EBPL: variants seen among roughly 807,000 people sequenced by gnomAD.
EBPL encodes the protein emopamil-binding protein-like.
In EBPL, 20 loss-of-function variants were observed where a neutral mutation model predicts 19.0. That is an observed-to-expected ratio of 1.05 (90% CI 0.74 to 1.53). EBPL has a LOEUF of 1.53. Among genes scored for constraint, EBPL ranks in the 40% most tolerant of loss-of-function variants. The probability of loss-of-function intolerance (pLI) is 0.00; values close to 1 mark genes in which losing one functional copy is unlikely to be tolerated. For synonymous variants in EBPL, 107 were observed against 117.0 expected, an observed-to-expected ratio of 0.91 and a Z score of 0.55; for missense variants, 219 against 261.1, an observed-to-expected ratio of 0.84 and a Z score of 1.11.
intron 1 of EBPL, among the ~76,000 whole-genome samples, chr13:49,686,772 AT>A (rs1446697098): frequency 6.6e-5 from 10 of 151,622 alleles, no homozygotes; most frequent in Admixed American, 5.9e-4. Flanking sequence ...CTCAATTTAC[AT>A]TTTTCAATTG....
intron 1 of EBPL, among the ~76,000 whole-genome samples, chr13:49,690,112 TAC>T (rs1487728546): frequency 7.3e-6 from 1 of 136,368 alleles, no homozygotes; most frequent in Non-Finnish European, 1.5e-5. Context: ...ATAGTGCCAC[TAC>T]ACTCCAGCCT....
intron 1 of EBPL, among the ~76,000 whole-genome samples, chr13:49,670,357 T>A (rs1953798399): frequency 6.6e-6 from 1 of 152,346 alleles, no homozygotes; most frequent in South Asian, 2.1e-4. Flanking sequence ...ACAGGCTACA[T>A]TTAACATTCA....
chr13:49,682,200 C>A (rs943891071), intron 1 of EBPL, among the ~76,000 whole-genome samples: 3 of 149,534 alleles, frequency 2.0e-5, no homozygotes, highest in African/African-American at 7.3e-5. Flanking sequence ...CCACACTGGT[C>A]TCTTTCAGAA....
chr13:49,691,441 G>C lies in EBPL; in HGVS notation c.-17C>G. ...AGCGCCCATGCTTCAGGCTTCCGAC[G>C]CCAACGGCCCAGGACCATGCGGCAG... is the stretch of plus-strand genomic sequence containing the variant. On this transcript the variant is annotated 5_prime_UTR_variant, in exon 1 of 4. Coordinates refer to ENST00000242827, the MANE Select transcript of EBPL (RefSeq NM_032565.5). The C allele has an allele frequency of 7.5e-7, 1 of 1,330,838 alleles. No individual in the cohort carries two copies. The highest frequency in any genetic ancestry group is 9.6e-7 in the Non-Finnish European group (1 of 1,042,882). The allele number at this position is 1,330,838 out of a possible 1,614,324, so 82.4% of individuals were successfully genotyped here. A position where few individuals can be genotyped will look rare whatever the true frequency, so the allele number is the denominator to read the frequency against.
chr13:49,691,306 T>A lies in EBPL; in HGVS notation c.119A>T (p.Asp40Val). The change falls in exon 1 of 4, where the codon GAC becomes GTC. Residue 40 changes from aspartate (D) to valine (V), a missense_variant. This residue lies in a region of EBPL where 170 missense variants were observed against 167.0 expected (regional missense o/e 1.02). Transcript: ENST00000242827. ...GCAGAGCCAGATGAGCGCCCCGCGG[T>A]CCGCCGCCCCCTGCCCGCGGCCCAG... is the stretch of plus-strand genomic sequence containing the variant. ...LRLGRGQGAA[D>V]RGALIWLCYD... The A allele has an allele frequency of 7.3e-7, 1 of 1,369,578 alleles. No homozygotes were observed. The highest frequency in any genetic ancestry group is 9.5e-7 in the Non-Finnish European group (1 of 1,056,644). The allele number at this position is 1,369,578 out of a possible 1,614,324, so 84.8% of individuals were successfully genotyped here.
chr13:49,676,027 T>C (rs939791499), intron 1 of EBPL, among the ~76,000 whole-genome samples: 2 of 152,228 alleles, frequency 1.3e-5, no homozygotes, highest in Admixed American at 6.5e-5. Context: ...TCTATTCAAA[T>C]CCTTTGCCTA....
chr13:49,687,348 A>G (rs1954009780), intron 1 of EBPL, among the ~76,000 whole-genome samples: 1 of 151,764 alleles, frequency 6.6e-6, no homozygotes, highest in African/African-American at 2.4e-5. Flanking sequence ...CTTTTTTTTA[A>G]ATGACTCCCC....
At chr13:49,664,078 C>T (rs757594446) in intron 2 of EBPL, among the ~76,000 whole-genome samples, 1 of 152,186 alleles carries the variant, frequency 6.6e-6, no homozygotes, top group Admixed American at 6.5e-5. Context: ...ATGGCGAAAC[C>T]GTGTCTCTAC....
At chr13:49,675,399 A>C (rs1355895356) in intron 1 of EBPL, among the ~76,000 whole-genome samples, 12 of 152,236 alleles carry the variant, frequency 7.9e-5, no homozygotes, top group Admixed American at 7.9e-4. Context: ...ACCATGGTAT[A>C]TTCAGTCCCT....
chr13:49,688,202 T>C (rs1954019529), intron 1 of EBPL, among the ~76,000 whole-genome samples: 1 of 152,158 alleles, frequency 6.6e-6, no homozygotes, highest in South Asian at 2.1e-4. Flanking sequence ...TCTAGTATGT[T>C]GCCATGGCTC....
intron 2 of EBPL, among the ~76,000 whole-genome samples, chr13:49,664,662 T>G (rs1187189474): frequency 1.3e-5 from 2 of 152,186 alleles, no homozygotes; most frequent in African/African-American, 4.8e-5. Flanking sequence ...CGTCTCCCCC[T>G]TTAATACTGC....
Position 49,669,731 on chromosome 13 carries a change from T to C in EBPL, c.241+46A>G, listed in dbSNP as rs750621087. On this transcript the variant is annotated intron_variant, in intron 2 of 3. Coordinates refer to ENST00000242827, the MANE Select transcript of EBPL (RefSeq NM_032565.5). ...AGGCGTTTGACAGTCACACTTGCAA[T>C]AAACCTCCTCCAACATTTCAAACGC... The C allele has an allele frequency of 1.9e-6, 3 of 1,553,000 alleles. No individual in the cohort carries two copies. In the South Asian group the frequency reaches 3.3e-5, roughly 17 times the overall value.
intron 1 of EBPL, among the ~76,000 whole-genome samples, chr13:49,688,930 C>T (rs1954030621): frequency 6.6e-6 from 1 of 152,162 alleles, no homozygotes; most frequent in Non-Finnish European, 1.5e-5. Flanking sequence ...TTCAAGTGCT[C>T]TCCCCACTGA....
In EBPL at chr13:49,661,155, G is replaced by A; in HGVS notation, c.434C>T (p.Thr145Ile). Residue 145 changes from threonine to isoleucine, a missense_variant, in exon 4 of 4, where the codon ACC becomes ATC. By Grantham distance (89) the Thr-to-Ile change is moderately conservative. Transcript: ENST00000242827. ...CVCELYGCWM[T>I]FLPEWLTRSP... is the part of the protein sequence containing the mutation. Reference sequence around the variant, plus strand: ...TCTGGTGAGCCACTCTGGGAGGAAGGTCATCCAGCAGCCATACAGCTCGCA... The same window carrying A: ...TCTGGTGAGCCACTCTGGGAGGAAGATCATCCAGCAGCCATACAGCTCGCA... The A allele has an allele frequency of 4.3e-6, 7 of 1,614,186 alleles. No homozygotes were observed. The highest frequency in any genetic ancestry group is 1.3e-5 in the African/African-American group (1 of 75,034).
intron 2 of EBPL, among the ~76,000 whole-genome samples, chr13:49,665,863 G>C (rs1411800453): frequency 6.6e-6 from 1 of 152,140 alleles, no homozygotes; most frequent in Non-Finnish European, 1.5e-5. Flanking sequence ...ATGAGGGCAG[G>C]GAAGAAGTGG....
At chr13:49,688,650 C>T (rs1032706295) in intron 1 of EBPL, among the ~76,000 whole-genome samples, 5 of 140,908 alleles carry the variant, frequency 3.5e-5, no homozygotes, top group African/African-American at 1.1e-4. Context: ...ACCCGAGAGG[C>T]GGAGCTTGCA....
chr13:49,666,706 C>T (rs9535290), intron 2 of EBPL, among the ~76,000 whole-genome samples: 25,253 of 108,596 alleles, frequency 0.23, 3,048 homozygotes, highest in Middle Eastern at 0.31. Flanking sequence ...AGTGAGACTC[C>T]GTCTCAAAAA....
At chr13:49,690,005 C>T (rs1954042603) in intron 1 of EBPL, among the ~76,000 whole-genome samples, 1 of 151,942 alleles carries the variant, frequency 6.6e-6, no homozygotes, top group South Asian at 2.1e-4. Flanking sequence ...CAAAAATTAG[C>T]TGGGCGTGGT....
Position 49,661,077 on chromosome 13 carries a change from A to T in EBPL, c.512T>A (p.Phe171Tyr). The T allele has an allele frequency of 6.2e-7, 1 of 1,614,170 alleles. No individual in the cohort carries two copies. Among genetic ancestry groups the T allele is most frequent in the Non-Finnish European group, 8.5e-7 (1 of 1,180,036 alleles). ...NWLYCWLYLFFFNGVWVLIPG... is the reference protein window; with the variant it reads ...NWLYCWLYLFYFNGVWVLIPG... ...GATCAGAACCCACACACCGTTAAAA[A>T]AAAACAGGTAAAGCCAACAGTACAG... is the stretch of plus-strand genomic sequence containing the variant. The change falls in exon 4 of 4, where the codon TTT (phenylalanine) becomes TAT (tyrosine). Residue 171 changes from phenylalanine to tyrosine, a missense_variant. Transcript: ENST00000242827.
Sources: allele counts gnomAD v4.1 joint callset (sites outside exome capture counted in the v4.1 genomes callset), GRCh38; gene constraint gnomAD v4.1.1; regional missense constraint gnomAD v4.1.1; transcripts MANE v1.5; gene names NCBI Gene and HGNC (gene_info 2026-07-23, HGNC 2026-07-21).